Variants in MPDZ observed in about 807,000 individuals in gnomAD.
MPDZ encodes the protein multiple PDZ domain protein.
In MPDZ, 234 loss-of-function variants were observed where a neutral mutation model predicts 239.1. The ratio of observed to expected loss-of-function variants is 0.98; its 90% CI spans 0.88 to 1.09. The LOEUF is 1.09. MPDZ is among the 50% of genes least tolerant of loss of function. The pLI is 0.00. For missense variants in MPDZ, 3,175 were observed against 2,510.0 expected (o/e 1.26, Z -5.66); for synonymous variants, 1,048 against 881.3 (o/e 1.19, Z -3.35).
chr9:13,134,051 T>G (rs1946397859), intron 31 of MPDZ, 147 bp from the exon 32 acceptor site: 1 of 302,274 alleles, frequency 3.3e-6, no homozygotes, highest in Admixed American at 4.9e-5. Context: ...TATTGCTATT[T>G]TAATACATTT....
intron 1 of MPDZ, among the ~76,000 whole-genome samples, chr9:13,255,827 A>T (rs951491090): frequency 6.6e-6 from 1 of 152,176 alleles, no homozygotes; most frequent in Non-Finnish European, 1.5e-5. Context: ...GGCCCTAAAA[A>T]TTTTTGAAAT....
chr9:13,190,019 A>G, intron 16 of MPDZ, 95 bp downstream of exon 16: 1 of 1,137,488 alleles, frequency 8.8e-7, no homozygotes, highest in Non-Finnish European at 1.2e-6. Context: ...TAGAAAAAAG[A>G]AAACATCTTT....
At chr9:13,130,507 T>C (rs1945822605) in intron 32 of MPDZ, among the ~76,000 whole-genome samples, 1 of 152,182 alleles carries the variant, frequency 6.6e-6, no homozygotes, top group Admixed American at 6.5e-5. Flanking sequence ...AAAGTGAGAA[T>C]TTCTTCTCTC....
rs1387974033 is a variant in MPDZ at position 13,147,624 on chromosome 9, T to A, written c.3665A>T (p.Glu1222Val). 5.0e-6 allele frequency: 8 copies of A among 1,612,208 alleles called. No homozygotes were observed. The highest frequency in any genetic ancestry group is 1.3e-5 in the African/African-American group (1 of 74,792). ...DGMDLRDASH[E>V]QAVEAIRKAG... is the part of the protein sequence containing the mutation. ...TTTCCGAATGGCTTCCACAGCTTGTTCATGGCTTGCATCTCTGAGGTCCAT... is the reference window on the plus strand; with the variant it reads ...TTTCCGAATGGCTTCCACAGCTTGTACATGGCTTGCATCTCTGAGGTCCAT... Residue 1222 changes from glutamate to valine, a missense_variant, in exon 26 of 47, where the codon GAA becomes GTA. Coordinates refer to ENST00000319217, the MANE Select transcript of MPDZ (RefSeq NM_001378778.1).
intron 19 of MPDZ, among the ~76,000 whole-genome samples, chr9:13,180,688 A>C (rs1305502339): frequency 2.6e-5 from 4 of 152,212 alleles, no homozygotes; most frequent in Non-Finnish European, 5.9e-5. Context: ...AATCAAACAT[A>C]AAATAATAAG....
intron 38 of MPDZ, chr9:13,119,904 A>G: frequency 2.2e-6 from 1 of 458,900 alleles, no homozygotes; most frequent in South Asian, 2.2e-5. Flanking sequence ...TACACTGAGT[A>G]GAAGCGTGTA....
At chr9:13,262,243 G>A (rs1035957910) in intron 1 of MPDZ, among the ~76,000 whole-genome samples, 7 of 151,770 alleles carry the variant, frequency 4.6e-5, no homozygotes, top group Non-Finnish European at 7.4e-5. Context: ...CTGGTGGATC[G>A]CTTGAGCCCA....
chr9:13,186,228 T>C (rs368824083), intron 18 of MPDZ, 42 bp downstream of exon 18: 130 of 1,150,802 alleles, frequency 1.1e-4, no homozygotes, highest in Non-Finnish European at 1.4e-4. Flanking sequence ...GTAAGACATA[T>C]CAGGTTTCTG....
intron 43 of MPDZ, among the ~76,000 whole-genome samples, chr9:13,111,079 A>T (rs181542022): frequency 6.6e-6 from 1 of 152,202 alleles, no homozygotes; most frequent in Admixed American, 6.5e-5. Context: ...TTCTCTGGAC[A>T]TTACTATTAT....
chr9:13,116,933 A>G (rs1271987727), intron 39 of MPDZ, among the ~76,000 whole-genome samples: 1 of 152,108 alleles, frequency 6.6e-6, no homozygotes, highest in Non-Finnish European at 1.5e-5. Context: ...CCCACTAATT[A>G]CAGTAGTCCC....
chr9:13,171,312 T>C (rs1271018390), intron 21 of MPDZ, among the ~76,000 whole-genome samples: 8 of 152,188 alleles, frequency 5.3e-5, no homozygotes, highest in African/African-American at 1.7e-4. Flanking sequence ...CAAATCTTAA[T>C]TCAGCTTCAA....
rs73647122 is a variant in MPDZ at position 13,277,223 on chromosome 9, G to A, written c.-58+2177C>T. On this transcript the variant is annotated intron_variant, in intron 1 of 46. Transcript: ENST00000319217. ...TCCCTTTCCAAGCCACAACCTTCAG[G>A]CCTAGTCAATAAAAAGGAGTGTGGT... 3.1e-3 allele frequency among the ~76,000 whole-genome samples: 466 copies of A among 152,004 alleles called. 4 individuals are homozygous for A. Among genetic ancestry groups the A allele is most frequent in the African/African-American group, 9.3e-3 (384 of 41,428 alleles).
chr9:13,188,646 C>G (rs574567532), intron 17 of MPDZ, 138 bp downstream of exon 17: 2 of 596,890 alleles, frequency 3.4e-6, no homozygotes, highest in South Asian at 7.1e-5. Flanking sequence ...AATCTTTATA[C>G]GAATGGAGCT....
In MPDZ at chr9:13,125,241, G is replaced by A; in HGVS notation, c.4782C>T (p.Gly1594=). ...SSQSLMVPQS[G]SPEPESIRNT... is the part of the protein sequence containing the mutation. The stretch of plus-strand genomic sequence containing the variant: ...TTCGGATGGACTCCGGTTCTGGGGA[G>A]CCAGACTGTGGGACCATCAGAGACT... The change falls in exon 35 of 47, where the codon GGC becomes GGT. Residue 1594 remains glycine, a synonymous_variant. Transcript: ENST00000319217. The A allele has an allele frequency of 8.7e-6, 14 of 1,606,942 alleles. No homozygotes were observed. Among genetic ancestry groups the A allele is most frequent in the Non-Finnish European group, 1.2e-5 (14 of 1,175,206 alleles).
At chr9:13,246,722 G>C (rs2137708087) in intron 3 of MPDZ, among the ~76,000 whole-genome samples, 1 of 151,998 alleles carries the variant, frequency 6.6e-6, no homozygotes, top group Admixed American at 6.6e-5. Flanking sequence ...TTTAACTGGA[G>C]CTGTTCTTTC....
At chr9:13,165,332 C>T (rs1587428113) in intron 22 of MPDZ, 2 of 1,544,426 alleles carry the variant, frequency 1.3e-6, no homozygotes. Context: ...TTGTAACACA[C>T]AGCCATAATG....
rs966488948 is a variant in MPDZ at position 13,192,168 on chromosome 9, T to C, written c.1931A>G (p.Asp644Gly). ...CTCAATATCACATAAGTCCAGGCTA[T>C]CCAATTCTGATTGGGTGGTGGGTGG... is the stretch of plus-strand genomic sequence containing the variant. Reference protein sequence around the residue: ...TVPPTTQSELDSLDLCDIELT... With the variant: ...TVPPTTQSELGSLDLCDIELT... Residue 644 changes from aspartate to glycine, a missense_variant, in exon 15 of 47, where the codon GAT (aspartate) becomes GGT (glycine). Coordinates refer to ENST00000319217, the MANE Select transcript of MPDZ (RefSeq NM_001378778.1). 5.6e-6 allele frequency: 9 copies of C among 1,610,870 alleles called. No individual in the cohort carries two copies. Among genetic ancestry groups the C allele is most frequent in the Non-Finnish European group, 7.6e-6 (9 of 1,178,420 alleles).
At chr9:13,188,574 T>G (rs1267643235) in intron 17 of MPDZ, among the ~76,000 whole-genome samples, 1 of 152,112 alleles carries the variant, frequency 6.6e-6, no homozygotes, top group Non-Finnish European at 1.5e-5. Flanking sequence ...AGTTAGAAGT[T>G]TATTTATAAA....
At chr9:13,126,440 T>A (rs1321615767) in intron 34 of MPDZ, 76 bp downstream of exon 34, 2 of 967,262 alleles carry the variant, frequency 2.1e-6, no homozygotes, top group Middle Eastern at 2.4e-4. Flanking sequence ...TAATTCTCTA[T>A]GATCGCAGAC....
Sources: allele counts gnomAD v4.1 joint callset (sites outside exome capture counted in the v4.1 genomes callset), GRCh38; gene constraint gnomAD v4.1.1; transcripts MANE v1.5; gene names NCBI Gene and HGNC (gene_info 2026-07-23, HGNC 2026-07-21).